Variants in FHOD3 observed in about 807,000 individuals in gnomAD.
The protein encoded by FHOD3 is formin homology 2 domain containing 3, also known as FH1/FH2 domain-containing protein 3.
Under a neutral mutation model 173.0 loss-of-function variants are expected in FHOD3, and 90 were observed. The observed-to-expected ratio is 0.52, with a 90% CI of 0.44 to 0.62. FHOD3 has a LOEUF of 0.62. Ranked by LOEUF, FHOD3 falls within the 20% of genes least tolerant of loss-of-function variation. The probability of loss-of-function intolerance (pLI) is 0.00; values close to 1 mark genes in which losing one functional copy is unlikely to be tolerated. For missense variants in FHOD3, 1,945 were observed against 2,034.7 expected (o/e 0.96, Z 0.85); for synonymous variants, 828 against 823.0 (o/e 1.01, Z -0.10).
intron 10 of FHOD3, among the ~76,000 whole-genome samples, chr18:36,634,643 G>T (rs981496793): frequency 3.9e-5 from 6 of 152,178 alleles, no homozygotes; most frequent in Non-Finnish European, 5.9e-5. Flanking sequence ...AAGGCTGGCC[G>T]TGTGCAGTGA....
chr18:36,325,859 A>AC (rs2044643521), intron 1 of FHOD3, among the ~76,000 whole-genome samples: 2 of 152,256 alleles, frequency 1.3e-5, no homozygotes, highest in South Asian at 4.1e-4. Flanking sequence ...ATGTTGTAGA[A>AC]CCTAGACCCA....
intron 17 of FHOD3, among the ~76,000 whole-genome samples, chr18:36,708,132 T>C (rs562169350): frequency 2.0e-5 from 3 of 152,326 alleles, no homozygotes; most frequent in South Asian, 4.1e-4. Context: ...CATTTCCCTG[T>C]TCCCTAGAGT....
rs150413385 is a variant in FHOD3 at position 36,355,129 on chromosome 18, A to G, written c.166-410A>G. On this transcript the variant is annotated intron_variant, in intron 1 of 28. Coordinates refer to ENST00000590592, the MANE Select transcript of FHOD3 (RefSeq NM_001281740.3). The stretch of plus-strand genomic sequence containing the variant: ...GAATCAGTAGGCTCCTCACTGAATC[A>G]AAGGAAACAGCATATTTTCCCCACC... 7.3e-3 allele frequency among the ~76,000 whole-genome samples: 1,111 copies of G among 152,350 alleles called. 14 individuals are homozygous for G. Among genetic ancestry groups the G allele is most frequent in the African/African-American group, 0.025 (1,054 of 41,572 alleles).
At chr18:36,467,467 G>A (rs558875319) in intron 3 of FHOD3, among the ~76,000 whole-genome samples, 1 of 151,962 alleles carries the variant, frequency 6.6e-6, no homozygotes. Context: ...TCCAGCTTGG[G>A]GTCCCCTTCT....
rs564058104 is a variant in FHOD3, at chr18:36,496,423, C to T, written c.338-5509C>T. ...TTTACAAACATCCTTGCATCCTAAT[C>T]CTTCCTAAGCCTCTAGGTAGACTGA... On this transcript the variant is annotated intron_variant, in intron 3 of 28. Coordinates refer to ENST00000590592, the MANE Select transcript of FHOD3 (RefSeq NM_001281740.3). Among the ~76,000 whole-genome samples the T allele has an allele frequency of 1.1e-4, 16 of 152,300 alleles. No individual in the cohort carries two copies. In the East Asian group the frequency reaches 1.9e-3, roughly 18 times the overall value.
intron 14 of FHOD3, among the ~76,000 whole-genome samples, chr18:36,670,971 A>C (rs1020151856): frequency 6.6e-6 from 1 of 152,214 alleles, no homozygotes; most frequent in Non-Finnish European, 1.5e-5. Context: ...CTGAATTATG[A>C]AGTTTTTCTC....
At chr18:36,476,599 C>G (rs1240922869) in intron 3 of FHOD3, among the ~76,000 whole-genome samples, 1 of 152,194 alleles carries the variant, frequency 6.6e-6, no homozygotes, top group Admixed American at 6.5e-5. Context: ...TTGAAGTCAG[C>G]TCTTAAGCCA....
chr18:36,566,904 AAC>A (rs2058284858), intron 5 of FHOD3, among the ~76,000 whole-genome samples: 1 of 152,228 alleles, frequency 6.6e-6, no homozygotes, highest in Admixed American at 6.5e-5. Context: ...TGAAAATAAG[AAC>A]AATATTTCCC....
rs896369133 is a variant in FHOD3 at position 36,653,416 on chromosome 18, G to A, written c.1721G>A (p.Arg574Lys). ...CACTTCCGATCTTTCTCTTCTAATA[G>A]GTGGGTGTCTTTATTTTCTTTCCCT... ...PYHFRSFSSNRYSNFGNNSYH... is the reference protein window; with the variant it reads ...PYHFRSFSSNKYSNFGNNSYH... The change falls in exon 13 of 29, where the codon AGA (arginine) becomes AAA (lysine). Residue 574 changes from arginine to lysine, a missense_variant and splice_region_variant. Arg to Lys is a conservative substitution (Grantham distance 26, BLOSUM62 2). Transcript: ENST00000590592. 6.6e-7 allele frequency: 1 copy of A among 1,525,814 alleles called. No homozygotes were observed. Among genetic ancestry groups the A allele is most frequent in the Non-Finnish European group, 8.8e-7 (1 of 1,139,184 alleles). The allele number at this position is 1,525,814 out of a possible 1,614,324, so 94.5% of individuals were successfully genotyped here.
At chr18:36,405,604 A>G (rs1340586732) in intron 3 of FHOD3, among the ~76,000 whole-genome samples, 2 of 152,232 alleles carry the variant, frequency 1.3e-5, no homozygotes, top group African/African-American at 2.4e-5. Context: ...GAAATAGGAT[A>G]ACAACAACAA....
At chr18:36,734,640 A>C (rs1409858235) in intron 20 of FHOD3, among the ~76,000 whole-genome samples, 1 of 152,164 alleles carries the variant, frequency 6.6e-6, no homozygotes, top group Non-Finnish European at 1.5e-5. Context: ...GATGATCTAG[A>C]TCCATGTGCC....
chr18:36,655,859 T>A (rs2036393942), intron 13 of FHOD3, among the ~76,000 whole-genome samples: 1 of 152,208 alleles, frequency 6.6e-6, no homozygotes, highest in Admixed American at 6.5e-5. Context: ...TTGAATTAAT[T>A]GCTTAGACAT....
chr18:36,551,196 T>G (rs2057639306), intron 5 of FHOD3, among the ~76,000 whole-genome samples: 1 of 152,210 alleles, frequency 6.6e-6, no homozygotes, highest in Non-Finnish European at 1.5e-5. Context: ...GTGAACCACA[T>G]TGTTTATTTT....
chr18:36,757,445 T>A (rs920987881), intron 25 of FHOD3, among the ~76,000 whole-genome samples: 1 of 152,184 alleles, frequency 6.6e-6, no homozygotes, highest in Non-Finnish European at 1.5e-5. Context: ...AAGAAAAGCT[T>A]ATATCCCAAG....
intron 5 of FHOD3, among the ~76,000 whole-genome samples, chr18:36,560,510 CT>C (rs1339878541): frequency 6.6e-6 from 1 of 152,188 alleles, no homozygotes; most frequent in African/African-American, 2.4e-5. Context: ...CTTCAAAGCT[CT>C]TGTGGAGTAA....
intron 8 of FHOD3, among the ~76,000 whole-genome samples, chr18:36,606,400 G>A (rs528098995): frequency 2.7e-4 from 41 of 152,156 alleles, no homozygotes; most frequent in African/African-American, 9.4e-4. Flanking sequence ...TGAAACTTAC[G>A]CTCTGTTGGG....
chr18:36,612,154 G>A (rs2148624779), intron 9 of FHOD3, 59 bp downstream of exon 9: 1 of 1,569,834 alleles, frequency 6.4e-7, no homozygotes, highest in East Asian at 2.3e-5. Flanking sequence ...CAAAGGCTGA[G>A]ATGGCGCCTA....
At chr18:36,501,290 C>T (rs886892129) in intron 3 of FHOD3, among the ~76,000 whole-genome samples, 3 of 152,190 alleles carry the variant, frequency 2.0e-5, no homozygotes, top group Non-Finnish European at 4.4e-5. Context: ...AGGCTGGCTT[C>T]CTGCCCAGAG....
At chr18:36,755,734 G>A (rs536969276) in intron 25 of FHOD3, among the ~76,000 whole-genome samples, 1 of 152,100 alleles carries the variant, frequency 6.6e-6, no homozygotes, top group Admixed American at 6.5e-5. Context: ...TCATCATAAC[G>A]GTGCTGTGTA....
Sources: gnomAD v4.1 joint callset for allele counts (sites outside exome capture counted in the v4.1 genomes callset) on GRCh38, gnomAD v4.1.1 for gene constraint, MANE v1.5 for transcripts, NCBI Gene and HGNC (gene_info 2026-07-23, HGNC 2026-07-21) for gene names.